RB1CC1: variants seen among roughly 807,000 people sequenced by gnomAD.
RB1CC1 encodes RB1-inducible coiled-coil protein 1.
A neutral mutation model predicts 177.5 loss-of-function variants in RB1CC1; 46 were observed. The observed-to-expected ratio is 0.26, with a 90% CI of 0.20 to 0.33. The LOEUF (loss-of-function observed/expected upper bound fraction) is 0.33, where lower values mean the gene tolerates loss of function less well. Among genes scored for constraint, RB1CC1 ranks in the 10% least tolerant of loss-of-function variants. The pLI is 1.00. For missense variants in RB1CC1, 1,703 were observed against 1,816.3 expected, an observed-to-expected ratio of 0.94 and a Z score of 1.13; for synonymous variants, 666 against 613.6, an observed-to-expected ratio of 1.09 and a Z score of -1.26.
chr8:52,639,284 A>G (rs1018732751), intron 18 of RB1CC1, among the ~76,000 whole-genome samples: 1 of 152,228 alleles, frequency 6.6e-6, no homozygotes, highest in African/African-American at 2.4e-5. Context: ...AATTACAAGT[A>G]AGTTATTCCT....
intron 15 of RB1CC1, among the ~76,000 whole-genome samples, chr8:52,654,767 C>T (rs1421959573): frequency 3.3e-5 from 5 of 152,132 alleles, no homozygotes; most frequent in Admixed American, 3.3e-4. Flanking sequence ...AACAAATTAT[C>T]GTCCCCACCC....
At chr8:52,647,796 G>A (rs1376760993) in intron 15 of RB1CC1, among the ~76,000 whole-genome samples, 1 of 152,170 alleles carries the variant, frequency 6.6e-6, no homozygotes, top group African/African-American at 2.4e-5. Flanking sequence ...TCATTGAAAG[G>A]TTTGGTCTAG....
intron 1 of RB1CC1, among the ~76,000 whole-genome samples, chr8:52,713,147 C>T (rs1857196852): frequency 6.6e-6 from 1 of 152,232 alleles, no homozygotes; most frequent in Admixed American, 6.5e-5. Flanking sequence ...AATAGGTACA[C>T]TTTAAATGTT....
At chr8:52,641,640 T>G (rs1040680554) in intron 18 of RB1CC1, among the ~76,000 whole-genome samples, 1 of 152,094 alleles carries the variant, frequency 6.6e-6, no homozygotes, top group Non-Finnish European at 1.5e-5. Flanking sequence ...TCATCTCACA[T>G]GGGGGTGTAG....
chr8:52,706,143 T>TAAAAAAA (rs34153328), intron 1 of RB1CC1, among the ~76,000 whole-genome samples: 1 of 147,606 alleles, frequency 6.8e-6, no homozygotes, highest in Non-Finnish European at 1.5e-5. Context: ...ACATATCCAT[T>TAAAAAAA]AAAAAAAAAA....
intron 8 of RB1CC1, among the ~76,000 whole-genome samples, chr8:52,664,768 AC>A (rs1259506473): frequency 6.6e-6 from 1 of 152,106 alleles, no homozygotes; most frequent in African/African-American, 2.4e-5. Flanking sequence ...CAGTATTATC[AC>A]CCCAACCATA....
At chr8:52,660,808 A>G in intron 11 of RB1CC1, 118 bp downstream of exon 11, 1 of 1,101,536 alleles carries the variant, frequency 9.1e-7, no homozygotes. Flanking sequence ...TAAAAGGAAT[A>G]TTTCCTAGAT....
chr8:52,683,681 G>A lies in RB1CC1; in HGVS notation c.237C>T (p.Ile79=). 1 of 1,596,608 alleles carries A rather than the reference G, an allele frequency of 6.3e-7. No individual in the cohort carries two copies. Among genetic ancestry groups the A allele is most frequent in the Non-Finnish European group, 8.5e-7 (1 of 1,174,466 alleles). Reference sequence around the variant, plus strand: ...GAATAGCAGGTGGACGATCACATAAGATCATTTCTTTGTTAAAAAGAAAAA... The same window carrying A: ...GAATAGCAGGTGGACGATCACATAAAATCATTTCTTTGTTAAAAAGAAAAA... ...NPIFLFNKEM[I]LCDRPPAIPK... is the part of the protein sequence containing the mutation. The change falls in exon 5 of 24, where the codon ATC becomes ATT. Residue 79 remains isoleucine (I), a synonymous_variant. Transcript: ENST00000025008.
chr8:52,678,333 C>G (rs760330874), intron 5 of RB1CC1, among the ~76,000 whole-genome samples: 1 of 152,176 alleles, frequency 6.6e-6, no homozygotes, highest in African/African-American at 2.4e-5. Context: ...AGGAGAATCA[C>G]TTGAACCCAG....
intron 1 of RB1CC1, among the ~76,000 whole-genome samples, chr8:52,693,368 A>G (rs777250041): frequency 6.6e-6 from 1 of 152,230 alleles, no homozygotes; most frequent in Non-Finnish European, 1.5e-5. Context: ...TTTGCAATCT[A>G]TCCATCTGAC....
At chr8:52,630,908 A>G (rs1848705279) in intron 20 of RB1CC1, among the ~76,000 whole-genome samples, 1 of 152,162 alleles carries the variant, frequency 6.6e-6, no homozygotes. Context: ...ACACTTAGAA[A>G]ATTTCTTGGC....
At chr8:52,653,662 C>G (rs1037264577) in intron 15 of RB1CC1, among the ~76,000 whole-genome samples, 11 of 152,072 alleles carry the variant, frequency 7.2e-5, no homozygotes, top group African/African-American at 2.7e-4. Context: ...CTCATCGAGA[C>G]AGGAACAAGC....
intron 19 of RB1CC1, 58 bp from the exon 20 acceptor site, chr8:52,635,026 A>C (rs1590924736): frequency 2.1e-6 from 3 of 1,458,534 alleles, no homozygotes; most frequent in Non-Finnish European, 2.8e-6. Context: ...AATAAATCTA[A>C]ACAGTGATTG....
At chr8:52,643,043 C>T (rs1031223072) in intron 16 of RB1CC1, 1 of 351,074 alleles carries the variant, frequency 2.8e-6, no homozygotes, top group Non-Finnish European at 4.8e-6. Context: ...TATTATTGTC[C>T]ATATATTTAC....
At chr8:52,698,717 T>G (rs1855717971) in intron 1 of RB1CC1, among the ~76,000 whole-genome samples, 1 of 62,710 alleles carries the variant, frequency 1.6e-5, no homozygotes, top group Admixed American at 2.8e-4. Flanking sequence ...TTTTTTTTTT[T>G]TTTTTTTTTT....
chr8:52,673,430 A>T (rs1852784901), intron 7 of RB1CC1, among the ~76,000 whole-genome samples: 1 of 152,224 alleles, frequency 6.6e-6, no homozygotes, highest in South Asian at 2.1e-4. Flanking sequence ...TCTCAGGCAG[A>T]TGCAGCATTT....
At chr8:52,664,472 T>C (rs1851892368) in intron 8 of RB1CC1, among the ~76,000 whole-genome samples, 1 of 152,132 alleles carries the variant, frequency 6.6e-6, no homozygotes. Flanking sequence ...TTTCTAAAAG[T>C]AACAATATTA....
intron 1 of RB1CC1, among the ~76,000 whole-genome samples, chr8:52,696,944 A>C (rs1855471006): frequency 6.6e-6 from 1 of 152,168 alleles, no homozygotes; most frequent in Non-Finnish European, 1.5e-5. Flanking sequence ...TGGAGGATGC[A>C]GTGAGCCAAG....
At position 52,674,107 on chromosome 8, in the gene RB1CC1, G is replaced by T. The variant is rs199599475; in HGVS notation, c.740C>A (p.Pro247His). 3.7e-6 allele frequency: 6 copies of T among 1,614,130 alleles called. No individual in the cohort carries two copies. Among genetic ancestry groups the T allele is most frequent in the Non-Finnish European group, 5.1e-6 (6 of 1,180,010 alleles). The change falls in exon 7 of 24, where the codon CCT becomes CAT. Residue 247 changes from proline (P) to histidine (H), a missense_variant. By Grantham distance (77) the Pro-to-His change is moderately conservative. Around this residue, in one of 6 missense-constraint regions of RB1CC1, gnomAD observed 315 missense variants for 304.9 expected, o/e 1.03. Coordinates refer to ENST00000025008, the MANE Select transcript of RB1CC1 (RefSeq NM_014781.5). The part of the protein sequence containing the change: ...STELVLSPDM[P>H]RTTNESLLTS... ...TAACAAAGATTCGTTAGTTGTTCTA[G>T]GCATATCAGGAGAGAGCACCAGTTC...
Sources: allele counts gnomAD v4.1 joint callset (sites outside exome capture counted in the v4.1 genomes callset), GRCh38; gene constraint gnomAD v4.1.1; regional missense constraint gnomAD v4.1.1; transcripts MANE v1.5; gene names NCBI Gene and HGNC (gene_info 2026-07-23, HGNC 2026-07-21).